The following MAP3K13 variants were observed in gnomAD, a reference collection of about 807,000 sequenced individuals.
MAP3K13 encodes the protein leucine zipper-bearing kinase.
A neutral mutation model predicts 104.0 loss-of-function variants in MAP3K13; 52 were observed. The observed-to-expected ratio is 0.50, with a 90% CI of 0.40 to 0.63. MAP3K13 has a LOEUF of 0.63. Ranked by LOEUF, MAP3K13 falls within the 20% of genes least tolerant of loss-of-function variation. MAP3K13 has a pLI of 0.00. For missense variants in MAP3K13, 914 were observed against 1,218.5 expected (o/e 0.75, Z 3.72); for synonymous variants, 394 against 442.2 (o/e 0.89, Z 1.37).
At chr3:185,313,966 C>T (rs1022065499) in intron 2 of MAP3K13, among the ~76,000 whole-genome samples, 2 of 152,222 alleles carry the variant, frequency 1.3e-5, no homozygotes, top group Non-Finnish European at 2.9e-5. Flanking sequence ...GGGTTTAGGG[C>T]AGCAGAATGT....
chr3:185,448,638 G>A (rs771765294), intron 5 of MAP3K13, among the ~76,000 whole-genome samples: 14 of 152,182 alleles, frequency 9.2e-5, no homozygotes, highest in African/African-American at 1.7e-4. Flanking sequence ...GGGGTCATTC[G>A]TAATTTAGAT....
At chr3:185,403,914 C>CT (rs1712959930) in intron 1 of MAP3K13, among the ~76,000 whole-genome samples, 1 of 152,200 alleles carries the variant, frequency 6.6e-6, no homozygotes. Flanking sequence ...CTAAGGTTTG[C>CT]TTTTTTCCCC....
At chr3:185,377,405 C>T (rs980018980) in intron 1 of MAP3K13, among the ~76,000 whole-genome samples, 4 of 150,954 alleles carry the variant, frequency 2.6e-5, no homozygotes, top group Admixed American at 6.6e-5. Context: ...TGGGGAGATA[C>T]AAGGAGAGGA....
Position 185,480,389 on chromosome 3 carries a change from G to A in MAP3K13, c.2659G>A (p.Asp887Asn), listed in dbSNP as rs889834349. ...AGACCGCTTGGCAGAGAAGCTAGAC[G>A]ACCTGCTGTCCCAGACGCCAGAGAT... ...LEDRLAEKLDDLLSQTPEIPI... is the reference protein window; with the variant it reads ...LEDRLAEKLDNLLSQTPEIPI... The change falls in exon 13 of 14, where the codon GAC (aspartate) becomes AAC (asparagine). Residue 887 changes from aspartate (D) to asparagine (N), a missense_variant. Coordinates refer to ENST00000265026, the MANE Select transcript of MAP3K13 (RefSeq NM_004721.5). 3.7e-6 allele frequency: 6 copies of A among 1,614,180 alleles called. No individual in the cohort carries two copies. Among genetic ancestry groups the A allele is most frequent in the Admixed American group, 1.7e-5 (1 of 60,018 alleles).
chr3:185,447,906 G>A lies in MAP3K13; in HGVS notation c.969G>A (p.Glu323=), dbSNP rs1484796356. 1 of 1,613,586 alleles carries A rather than the reference G, an allele frequency of 6.2e-7. No homozygotes were observed. The highest frequency in any genetic ancestry group is 1.1e-5 in the South Asian group (1 of 90,902). The part of the protein sequence containing the change: ...FAGTVAWMAP[E]VIRNEPVSEK... The stretch of plus-strand genomic sequence containing the variant: ...GCACGGTCGCATGGATGGCGCCAGA[G>A]GTGATACGGAATGAACCTGTCTCTG... The change falls in exon 5 of 14, where the codon GAG becomes GAA. Residue 323 remains glutamate (E), a synonymous_variant. Transcript: ENST00000265026.
intron 2 of MAP3K13, among the ~76,000 whole-genome samples, chr3:185,332,339 T>C (rs1722318687): frequency 6.6e-6 from 1 of 152,226 alleles, no homozygotes; most frequent in African/African-American, 2.4e-5. Flanking sequence ...ATAGTGTTTG[T>C]TTTTTAGAAT....
intron 7 of MAP3K13, among the ~76,000 whole-genome samples, chr3:185,460,163 G>C (rs1214341541): frequency 6.6e-6 from 1 of 151,980 alleles, no homozygotes; most frequent in Non-Finnish European, 1.5e-5. Context: ...CTTATCCGTG[G>C]TACATTCCAT....
At chr3:185,360,978 C>T (rs923944778), upstream of MAP3K13, among the ~76,000 whole-genome samples, 2 of 151,760 alleles carry the variant, frequency 1.3e-5, no homozygotes, top group Non-Finnish European at 2.9e-5. Context: ...AGATGTGTGC[C>T]ACCATGCCCA....
At chr3:185,400,901 G>GTTTTT (rs1326586136) in intron 1 of MAP3K13, among the ~76,000 whole-genome samples, 8 of 58,134 alleles carry the variant, frequency 1.4e-4, no homozygotes, top group African/African-American at 4.3e-4. Context: ...CTGGGTGTTT[G>GTTTTT]TTTGTTTTTT....
chr3:185,331,445 T>C (rs1362358387), intron 2 of MAP3K13, among the ~76,000 whole-genome samples: 13 of 152,026 alleles, frequency 8.6e-5, no homozygotes, highest in Non-Finnish European at 4.4e-5. Flanking sequence ...GTATTTATTT[T>C]ATAAATTAAA....
intron 2 of MAP3K13, chr3:185,292,096 G>A: frequency 3.1e-6 from 2 of 645,246 alleles, no homozygotes; most frequent in South Asian, 6.9e-5. Context: ...CCCAAGGTCA[G>A]GCATTTGAGA....
chr3:185,291,945 T>A, intron 2 of MAP3K13: 1 of 1,121,284 alleles, frequency 8.9e-7, no homozygotes, highest in African/African-American at 1.6e-5. Flanking sequence ...GCCATAAGTT[T>A]TCATTGATAG....
intron 7 of MAP3K13, among the ~76,000 whole-genome samples, chr3:185,463,174 T>C (rs1270086805): frequency 6.6e-6 from 1 of 152,240 alleles, no homozygotes; most frequent in Non-Finnish European, 1.5e-5. Context: ...ACACATACGT[T>C]TCCATGTGGT....
rs578234324 is a variant in MAP3K13 at position 185,488,571 on chromosome 3, A to C, written c.*6115A>C. 1.3e-5 allele frequency: 2 copies of C among 152,416 alleles called. No homozygotes were observed. The highest frequency in any genetic ancestry group is 4.8e-5 in the African/African-American group (2 of 41,570). 9.4% of individuals were successfully genotyped at this position (152,416 alleles called of 1,614,324 possible). A position where few individuals can be genotyped will look rare whatever the true frequency, so the allele number is the denominator to read the frequency against. On this transcript the variant is annotated 3_prime_UTR_variant, in exon 14 of 14. Coordinates refer to ENST00000265026, the MANE Select transcript of MAP3K13 (RefSeq NM_004721.5). Reference sequence around the variant, plus strand: ...GTACGATGGCAGGACTTCACAGAGCAGAGCCCTAAGCAGATGGCAAGGCCA... The same window carrying C: ...GTACGATGGCAGGACTTCACAGAGCCGAGCCCTAAGCAGATGGCAAGGCCA...
At chr3:185,308,782 C>G (rs1210554816) in intron 2 of MAP3K13, among the ~76,000 whole-genome samples, 1 of 152,204 alleles carries the variant, frequency 6.6e-6, no homozygotes, top group African/African-American at 2.4e-5. Context: ...GCAAGTTTGG[C>G]ATTTACTTGC....
Position 185,437,520 on chromosome 3 carries a change from C to T in MAP3K13, c.549C>T (p.Phe183=). 6.2e-7 allele frequency: 1 copy of T among 1,613,988 alleles called. No homozygotes were observed. The highest frequency in any genetic ancestry group is 8.5e-7 in the Non-Finnish European group (1 of 1,179,982). Residue 183 remains phenylalanine (F), a synonymous_variant, in exon 3 of 14, where the codon TTC becomes TTT. Transcript: ENST00000265026. ...WLGSGAQGAV[F]LGKFRAEEVA... ...GTAGTGGAGCCCAAGGAGCGGTCTT[C>T]TTGGGCAAGTTCCGGGCGGAAGAGG...
intron 12 of MAP3K13, among the ~76,000 whole-genome samples, chr3:185,478,583 A>C (rs1345203252): frequency 6.6e-6 from 1 of 152,148 alleles, no homozygotes. Flanking sequence ...GGCCTAGGTC[A>C]TATGGCATAA....
chr3:185,353,371 A>G (rs1723209457), intron 2 of MAP3K13, among the ~76,000 whole-genome samples: 1 of 152,210 alleles, frequency 6.6e-6, no homozygotes, highest in Non-Finnish European at 1.5e-5. Flanking sequence ...AACGGAAGCG[A>G]GGGGCAGAAA....
chr3:185,286,100 TC>T (rs1357650387), intron 2 of MAP3K13, among the ~76,000 whole-genome samples: 1 of 152,162 alleles, frequency 6.6e-6, no homozygotes, highest in Non-Finnish European at 1.5e-5. Context: ...AAAAATGTCT[TC>T]GTTTCTTTAT....
Sources: gnomAD v4.1 joint callset for allele counts (sites outside exome capture counted in the v4.1 genomes callset) on GRCh38, gnomAD v4.1.1 for gene constraint, MANE v1.5 for transcripts, NCBI Gene and HGNC (gene_info 2026-07-23, HGNC 2026-07-21) for gene names.